The following HPSE2 variants were observed in gnomAD, a reference collection of about 807,000 sequenced individuals.
HPSE2 encodes inactive heparanase-2.
In HPSE2, 38 loss-of-function variants were observed where a neutral mutation model predicts 60.5. The observed-to-expected ratio is 0.63, with a 90% confidence interval of 0.48 to 0.82. The LOEUF is 0.82. Ranked by LOEUF, HPSE2 falls within the 40% of genes least tolerant of loss-of-function variation. The pLI, the probability that HPSE2 is intolerant of heterozygous loss-of-function variation, is 0.00. For missense variants in HPSE2, 713 were observed against 740.4 expected, an observed-to-expected ratio of 0.96 and a Z score of 0.43; for synonymous variants, 295 against 293.2, an observed-to-expected ratio of 1.01 and a Z score of -0.06.
intron 3 of HPSE2, among the ~76,000 whole-genome samples, chr10:98,982,039 C>A (rs888785759): frequency 6.6e-6 from 1 of 151,890 alleles, no homozygotes; most frequent in Non-Finnish European, 1.5e-5. Context: ...AGTTCTCTAT[C>A]CTTTTTTTTT....
At chr10:98,838,803 A>G (rs1951849928) in intron 3 of HPSE2, among the ~76,000 whole-genome samples, 1 of 152,120 alleles carries the variant, frequency 6.6e-6, no homozygotes, top group Non-Finnish European at 1.5e-5. Flanking sequence ...GGAATGTGGG[A>G]AGTTGTCCAT....
At chr10:98,643,765 G>A (rs1272831377) in intron 6 of HPSE2, among the ~76,000 whole-genome samples, 3 of 152,136 alleles carry the variant, frequency 2.0e-5, no homozygotes, top group Admixed American at 6.5e-5. Context: ...TTGAGACAGA[G>A]TAGTGTTAAA....
chr10:98,544,534 C>A (rs1943588733), intron 9 of HPSE2, among the ~76,000 whole-genome samples: 1 of 151,582 alleles, frequency 6.6e-6, no homozygotes, highest in Non-Finnish European at 1.5e-5. Flanking sequence ...CACAGTGAAA[C>A]CCCGTCTCTA....
intron 3 of HPSE2, among the ~76,000 whole-genome samples, chr10:98,797,427 TAC>T (rs1950801846): frequency 6.6e-6 from 1 of 152,078 alleles, no homozygotes; most frequent in African/African-American, 2.4e-5. Flanking sequence ...TTTGAAAACA[TAC>T]AGTCAGAGGA....
chr10:98,518,061 G>A (rs544420872), intron 9 of HPSE2, among the ~76,000 whole-genome samples: 80 of 152,324 alleles, frequency 5.3e-4, no homozygotes, highest in African/African-American at 1.9e-3. Flanking sequence ...GGTGAGAAGA[G>A]GTAACACTGG....
chr10:98,847,229 C>T (rs1952055775), intron 3 of HPSE2, among the ~76,000 whole-genome samples: 1 of 152,180 alleles, frequency 6.6e-6, no homozygotes, highest in Non-Finnish European at 1.5e-5. Flanking sequence ...TCAGAGATGG[C>T]TCATACTGCC....
chr10:98,915,191 A>T (rs545954710), intron 3 of HPSE2, among the ~76,000 whole-genome samples: 137 of 149,976 alleles, frequency 9.1e-4, no homozygotes, highest in Non-Finnish European at 1.7e-3. Context: ...ACTGTTGCCC[A>T]AACTGGAGTG....
chr10:98,610,448 C>T (rs1344046499), intron 9 of HPSE2, among the ~76,000 whole-genome samples: 1 of 152,162 alleles, frequency 6.6e-6, no homozygotes, highest in Admixed American at 6.5e-5. Context: ...ATGGGAACTG[C>T]AACCACAGGT....
At chr10:98,482,865 A>G (rs1391178272) in intron 10 of HPSE2, 83 bp from the exon 11 acceptor site, 1 of 1,430,456 alleles carries the variant, frequency 7.0e-7, no homozygotes, top group Non-Finnish European at 9.8e-7. Flanking sequence ...AGACTGTACA[A>G]AATATGAACA....
At chr10:99,168,087 T>TACACACACAC (rs56393224) in intron 2 of HPSE2, among the ~76,000 whole-genome samples, 2,901 of 144,668 alleles carry the variant, frequency 0.02, 35 homozygotes, top group African/African-American at 0.034. Flanking sequence ...TCAGCCTATT[T>TACACACACAC]ACACACACAC....
At chr10:98,862,621 C>T (rs569592095) in intron 3 of HPSE2, among the ~76,000 whole-genome samples, 78 of 152,232 alleles carry the variant, frequency 5.1e-4, no homozygotes, top group African/African-American at 1.8e-3. Context: ...CTAGGCTTAG[C>T]AGAGAAGAAT....
At chr10:99,073,261 G>A (rs1842855946) in intron 3 of HPSE2, among the ~76,000 whole-genome samples, 2 of 152,180 alleles carry the variant, frequency 1.3e-5, no homozygotes, top group Admixed American at 6.5e-5. Flanking sequence ...CAAAGAAAAT[G>A]TGGTAGAGAT....
chr10:98,998,811 C>T (rs548248649), intron 3 of HPSE2, among the ~76,000 whole-genome samples: 1 of 152,316 alleles, frequency 6.6e-6, no homozygotes, highest in Admixed American at 6.5e-5. Context: ...AAAAGGTATA[C>T]TCTACTCTTT....
chr10:98,867,337 G>T (rs572101541), intron 3 of HPSE2, among the ~76,000 whole-genome samples: 41 of 150,322 alleles, frequency 2.7e-4, no homozygotes, highest in African/African-American at 9.2e-4. Context: ...ATGGGCAAAA[G>T]ATTTGAATAG....
At chr10:98,767,881 A>G (rs1950159350) in intron 3 of HPSE2, among the ~76,000 whole-genome samples, 1 of 147,410 alleles carries the variant, frequency 6.8e-6, no homozygotes, top group Non-Finnish European at 1.5e-5. Context: ...ATAAACATTT[A>G]TATAGAAATA....
the HPSE2 span, among the ~76,000 whole-genome samples, chr10:99,278,728 C>T: frequency 1.3e-5 from 2 of 152,150 alleles, no homozygotes; most frequent in African/African-American, 2.4e-5. Context: ...ACTGTGTGAT[C>T]TTAGGCAAAT....
chr10:98,514,015 C>T (rs1942507904), intron 9 of HPSE2, among the ~76,000 whole-genome samples: 1 of 152,002 alleles, frequency 6.6e-6, no homozygotes, highest in Non-Finnish European at 1.5e-5. Flanking sequence ...AGTCCATCAA[C>T]AGATGAATGG....
At chr10:99,167,708 T>G (rs184786423) in intron 2 of HPSE2, among the ~76,000 whole-genome samples, 1 of 152,352 alleles carries the variant, frequency 6.6e-6, no homozygotes, top group East Asian at 1.9e-4. Context: ...CTGTTTTACT[T>G]ATTCTAGTTA....
chr10:98,958,941 C>A (rs554239524), intron 3 of HPSE2, among the ~76,000 whole-genome samples: 1 of 152,158 alleles, frequency 6.6e-6, no homozygotes, highest in African/African-American at 2.4e-5. Context: ...AGCTATGTGA[C>A]CCTGGCTAGT....
Sources: gnomAD v4.1 joint callset for allele counts (sites outside exome capture counted in the v4.1 genomes callset) on GRCh38, gnomAD v4.1.1 for gene constraint, MANE v1.5 for transcripts, NCBI Gene and HGNC (gene_info 2026-07-23, HGNC 2026-07-21) for gene names.